The following PPP2R5C variants were observed in gnomAD, a reference collection of about 807,000 sequenced individuals.
The protein encoded by PPP2R5C is serine/threonine-protein phosphatase 2A 56 kDa regulatory subunit gamma isoform.
Under a neutral mutation model 68.9 loss-of-function variants are expected in PPP2R5C, and 7 were observed. The ratio of observed to expected loss-of-function variants is 0.10; its 90% CI spans 0.06 to 0.19. PPP2R5C has a LOEUF of 0.19. PPP2R5C is among the 10% of genes least tolerant of loss of function. The pLI, the probability that PPP2R5C is intolerant of heterozygous loss-of-function variation, is 1.00. For synonymous variants in PPP2R5C, 210 were observed against 222.2 expected (o/e 0.95, Z 0.49); for missense variants, 348 against 641.3 (o/e 0.54, Z 4.94).
chr14:101,849,498 C>T (rs572658994), intron 1 of PPP2R5C, among the ~76,000 whole-genome samples: 14 of 143,562 alleles, frequency 9.8e-5, no homozygotes, highest in Non-Finnish European at 2.2e-4. Flanking sequence ...CTGATTAAGA[C>T]TTTTTCCTAT....
At chr14:101,824,581 T>A (rs1452531535) in intron 1 of PPP2R5C, 2 of 154,950 alleles carry the variant, frequency 1.3e-5, no homozygotes, top group African/African-American at 4.8e-5. Context: ...ACGAAAAAAA[T>A]TTCTGAGTTC....
chr14:101,842,943 G>C (rs531166186), intron 1 of PPP2R5C, among the ~76,000 whole-genome samples: 1 of 151,998 alleles, frequency 6.6e-6, no homozygotes, highest in South Asian at 2.1e-4. Context: ...CAGGCATTTT[G>C]GGCTGGGCAC....
intron 3 of PPP2R5C, among the ~76,000 whole-genome samples, chr14:101,799,954 T>C (rs2038787883): frequency 1.3e-5 from 2 of 152,218 alleles, no homozygotes; most frequent in Non-Finnish European, 2.9e-5. Context: ...TTAATCTATA[T>C]CTCTTTTTAA....
intron 1 of PPP2R5C, among the ~76,000 whole-genome samples, chr14:101,851,967 G>A (rs1375711863): frequency 6.6e-6 from 1 of 152,118 alleles, no homozygotes; most frequent in Non-Finnish European, 1.5e-5. Context: ...TGAGGTACAT[G>A]TTGCTAGCAA....
intron 2 of PPP2R5C, among the ~76,000 whole-genome samples, chr14:101,874,233 G>A (rs1035076380): frequency 6.6e-6 from 1 of 152,186 alleles, no homozygotes; most frequent in Non-Finnish European, 1.5e-5. Flanking sequence ...TTTATATCAC[G>A]TTGGATAGAG....
rs10588262 is a variant in PPP2R5C, at chr14:101,825,211, C to CGT, written c.94+15212_94+15213dup. On this transcript the variant is annotated intron_variant, in intron 1 of 13. Transcript: ENST00000334743. The surrounding 1 kb of genome is among the most constrained non-coding windows in gnomAD (Gnocchi z 4.0). ...AGGGATAGGATAAGAGGGTTTTCAG[C>CGT]GTGTGTGTGTGTGTGTGTGTGTGTG... is the stretch of plus-strand genomic sequence containing the variant. 0.055 allele frequency among the ~76,000 whole-genome samples: 7,810 copies of CGT among 143,030 alleles called. 385 individuals carry two copies. Among genetic ancestry groups the CGT allele is most frequent in the African/African-American group, 0.14 (5,507 of 38,498 alleles). 93.8% of individuals were successfully genotyped at this position (143,030 alleles called of 152,430 possible).
At chr14:101,824,113 C>G in intron 1 of PPP2R5C, 2 of 1,288,658 alleles carry the variant, frequency 1.6e-6, no homozygotes, top group Non-Finnish European at 2.0e-6. Context: ...CTCGCACATC[C>G]CGAGAGATTC....
chr14:101,845,712 A>C (rs1285380083), intron 1 of PPP2R5C, among the ~76,000 whole-genome samples: 1 of 152,150 alleles, frequency 6.6e-6, no homozygotes, highest in African/African-American at 2.4e-5. Context: ...GAAAAACCCA[A>C]AGGGTTTAAG....
intron 1 of PPP2R5C, chr14:101,824,350 C>T: frequency 2.8e-6 from 1 of 355,556 alleles, no homozygotes; most frequent in East Asian, 7.9e-5. Context: ...TACGGGGAAA[C>T]AGTAGGAAAG....
At chr14:101,779,840 C>T (rs1337238165) in intron 2 of PPP2R5C, among the ~76,000 whole-genome samples, 3 of 152,110 alleles carry the variant, frequency 2.0e-5, no homozygotes, top group Admixed American at 6.5e-5. Flanking sequence ...ACTGAAAATA[C>T]GATTGGGAGA....
intron 1 of PPP2R5C, 139 bp downstream of exon 1, chr14:101,762,059 C>T (rs1370541466): frequency 7.5e-5 from 69 of 919,874 alleles, no homozygotes; most frequent in Admixed American, 1.7e-4. Flanking sequence ...CCGAGGGCGG[C>T]CGAGCCAGGC....
intron 13 of PPP2R5C, chr14:101,922,051 T>A (rs1376579908): frequency 1.0e-6 from 1 of 985,138 alleles, no homozygotes; most frequent in Non-Finnish European, 1.2e-6. Flanking sequence ...AGGTGGGCAG[T>A]GCAGGCTCTC....
In PPP2R5C at chr14:101,925,310, C is replaced by G. The variant is rs746838961; in HGVS notation, c.*38C>G. On this transcript the variant is annotated 3_prime_UTR_variant, in exon 14 of 14. Transcript: ENST00000334743. ...CGCGTCGGGGCCGGGCCCGCCAGTT[C>G]TTTTCCGGATTCTGTAGAAAATACA... 6 of 1,607,060 alleles carry G rather than the reference C, an allele frequency of 3.7e-6. No individual in the cohort carries two copies. The East Asian group carries it at 1.1e-4, about 30-fold the overall frequency.
At chr14:101,926,459 T>C (rs1327095236) in exon 14 of PPP2R5C, 2 of 152,712 alleles carry the variant, frequency 1.3e-5, no homozygotes, top group Admixed American at 6.5e-5. Flanking sequence ...TTGCATGTAC[T>C]GAGCTTTTGT....
chr14:101,819,215 G>T (rs912744006), intron 1 of PPP2R5C: 24 of 771,728 alleles, frequency 3.1e-5, no homozygotes, highest in Admixed American at 2.3e-4. Context: ...CTTCTCAAAG[G>T]GGGGTAGCAC....
chr14:101,761,842 C>CG (rs2036556650), upstream of PPP2R5C: 1 of 1,006,228 alleles, frequency 9.9e-7, no homozygotes, highest in Non-Finnish European at 1.2e-6. Flanking sequence ...GCTGCTGCTG[C>CG]GGGGGCAGGC....
At chr14:101,874,149 TA>T (rs1340687936) in intron 2 of PPP2R5C, among the ~76,000 whole-genome samples, 2 of 152,204 alleles carry the variant, frequency 1.3e-5, no homozygotes, top group African/African-American at 4.8e-5. Flanking sequence ...CATTTGGGGT[TA>T]GGGGAAATGG....
At chr14:101,857,061 A>G (rs1386349440) in intron 2 of PPP2R5C, among the ~76,000 whole-genome samples, 176 bp downstream of exon 4, 1 of 152,212 alleles carries the variant, frequency 6.6e-6, no homozygotes, top group Non-Finnish European at 1.5e-5. Context: ...TGATAATAAT[A>G]GGAAGGGAAG....
At chr14:101,814,698 A>G (rs761122504) in intron 1 of PPP2R5C, among the ~76,000 whole-genome samples, 7 of 152,254 alleles carry the variant, frequency 4.6e-5, no homozygotes, top group Non-Finnish European at 8.8e-5. Context: ...TTAGTCAAGA[A>G]TAGGGTGTGT....
Sources: gnomAD v4.1 joint callset for allele counts (sites outside exome capture counted in the v4.1 genomes callset) on GRCh38, gnomAD v4.1.1 for gene constraint, Gnocchi (gnomAD v3.1) non-coding constraint, MANE v1.5 for transcripts, NCBI Gene and HGNC (gene_info 2026-07-23, HGNC 2026-07-21) for gene names.